The following NEGR1 variants were observed in gnomAD, a reference collection of about 807,000 sequenced individuals.
NEGR1 encodes IgLON family member 4.
In NEGR1, 10 loss-of-function variants were observed where a neutral mutation model predicts 40.9. The ratio of observed to expected loss-of-function variants is 0.24; its 90% CI spans 0.15 to 0.42. The LOEUF (loss-of-function observed/expected upper bound fraction) is 0.42, where lower values mean the gene tolerates loss of function less well. Among genes scored for constraint, NEGR1 ranks in the 10% least tolerant of loss-of-function variants. The probability of loss-of-function intolerance (pLI) is 1.00; values close to 1 mark genes in which losing one functional copy is unlikely to be tolerated. For synonymous variants in NEGR1, 185 were observed against 166.8 expected (o/e 1.11, Z -0.84); for missense variants, 352 against 438.9 (o/e 0.80, Z 1.77).
At chr1:71,942,179 T>C (rs1416660448) in intron 1 of NEGR1, among the ~76,000 whole-genome samples, 4 of 151,074 alleles carry the variant, frequency 2.6e-5, no homozygotes, top group Non-Finnish European at 5.9e-5. Context: ...TTTGGGATAA[T>C]ATGCTTATTT....
At chr1:71,606,679 A>C (rs1025845653) in intron 5 of NEGR1, among the ~76,000 whole-genome samples, 1 of 152,166 alleles carries the variant, frequency 6.6e-6, no homozygotes, top group Non-Finnish European at 1.5e-5. Flanking sequence ...ATTGATGATA[A>C]TAAAATCTTA....
chr1:72,170,022 C>T (rs1234746816), intron 1 of NEGR1, among the ~76,000 whole-genome samples: 1 of 152,064 alleles, frequency 6.6e-6, no homozygotes, highest in Non-Finnish European at 1.5e-5. Flanking sequence ...ACACTCAGTA[C>T]TATATATTAT....
At chr1:72,137,354 A>G (rs1650506121) in intron 1 of NEGR1, among the ~76,000 whole-genome samples, 1 of 152,116 alleles carries the variant, frequency 6.6e-6, no homozygotes, top group Non-Finnish European at 1.5e-5. Flanking sequence ...CCAAATTCCA[A>G]CCAGTGATAG....
chr1:71,900,693 T>G (rs192932913), intron 2 of NEGR1, among the ~76,000 whole-genome samples: 1 of 152,334 alleles, frequency 6.6e-6, no homozygotes, highest in Admixed American at 6.5e-5. Flanking sequence ...ACATAAGATT[T>G]GAACTGTAAC....
intron 2 of NEGR1, among the ~76,000 whole-genome samples, chr1:71,923,716 C>G (rs1174647439): frequency 6.6e-6 from 1 of 152,030 alleles, no homozygotes; most frequent in Non-Finnish European, 1.5e-5. Context: ...TATCCATATT[C>G]CTTGGCTCAG....
intron 1 of NEGR1, among the ~76,000 whole-genome samples, chr1:71,973,240 C>A (rs1381492182): frequency 6.6e-6 from 1 of 150,454 alleles, no homozygotes; most frequent in Non-Finnish European, 1.5e-5. Context: ...GGCGTGAACA[C>A]GGGAGGCAGA....
intron 1 of NEGR1, among the ~76,000 whole-genome samples, chr1:72,185,092 T>A (rs1253363758): frequency 6.6e-6 from 1 of 151,988 alleles, no homozygotes; most frequent in Non-Finnish European, 1.5e-5. Context: ...GCAATTGGCC[T>A]GGCACCTGGA....
chr1:72,188,353 A>G (rs987856102), intron 1 of NEGR1, among the ~76,000 whole-genome samples: 12 of 151,424 alleles, frequency 7.9e-5, no homozygotes, highest in African/African-American at 2.9e-4. Flanking sequence ...ACTTCTTTTC[A>G]ATCTTCGCAT....
chr1:71,440,627 A>G (rs1034652483), intron 6 of NEGR1, among the ~76,000 whole-genome samples: 1 of 152,174 alleles, frequency 6.6e-6, no homozygotes, highest in African/African-American at 2.4e-5. Context: ...ACAGGCATCA[A>G]CAGCATCAAC....
intron 2 of NEGR1, among the ~76,000 whole-genome samples, chr1:71,782,923 C>T (rs920181097): frequency 2.6e-5 from 4 of 151,996 alleles, no homozygotes; most frequent in Non-Finnish European, 5.9e-5. Flanking sequence ...GGACAATAAT[C>T]ATACACATTT....
chr1:72,251,044 C>T (rs1272406136), intron 1 of NEGR1, among the ~76,000 whole-genome samples: 1 of 152,156 alleles, frequency 6.6e-6, no homozygotes, highest in Non-Finnish European at 1.5e-5. Flanking sequence ...CAGTCGAATT[C>T]ACCAGAGGAT....
chr1:72,120,943 G>C (rs1429931266), intron 1 of NEGR1, among the ~76,000 whole-genome samples: 1 of 151,942 alleles, frequency 6.6e-6, no homozygotes, highest in South Asian at 2.1e-4. Flanking sequence ...CAGTAATGAA[G>C]GTGCCAACAC....
At chr1:72,088,806 T>C (rs1648335650) in intron 1 of NEGR1, among the ~76,000 whole-genome samples, 5 of 136,078 alleles carry the variant, frequency 3.7e-5, no homozygotes, top group African/African-American at 8.2e-5. Context: ...CTTTTTTTTT[T>C]TTTTTTTTTT....
intron 1 of NEGR1, among the ~76,000 whole-genome samples, chr1:72,018,490 T>C (rs939140808): frequency 2.6e-5 from 4 of 152,194 alleles, no homozygotes; most frequent in Non-Finnish European, 2.9e-5. Flanking sequence ...ATAAATATTA[T>C]GTACGTTTTA....
intron 1 of NEGR1, among the ~76,000 whole-genome samples, chr1:71,988,166 T>C (rs1646415750): frequency 6.6e-6 from 1 of 152,116 alleles, no homozygotes; most frequent in East Asian, 1.9e-4. Context: ...GTCTTTTTGG[T>C]CACTAAAGTA....
In NEGR1 at chr1:71,861,013, A is replaced by T. The variant is rs542817733; in HGVS notation, c.409+74066T>A. Among the ~76,000 whole-genome samples, 17 of 152,228 alleles carry T rather than the reference A, an allele frequency of 1.1e-4. No individual in the cohort carries two copies. In the South Asian group the frequency reaches 3.5e-3, roughly 32 times the overall value. On this transcript the variant is annotated intron_variant, in intron 2 of 6. Transcript: ENST00000357731. The stretch of plus-strand genomic sequence containing the variant: ...GTTTGCTAACGATTAAAAGCTAAGA[A>T]GTTACTCTCTTTTAACTACTGCTTA...
In NEGR1 at chr1:72,030,436, C is replaced by T. The variant is rs1322938455; in HGVS notation, c.177-95125G>A. 1.1e-4 allele frequency among the ~76,000 whole-genome samples: 17 copies of T among 152,052 alleles called. 1 individual carries two copies. The East Asian group carries it at 2.9e-3, about 26-fold the overall frequency. The stretch of plus-strand genomic sequence containing the variant: ...AAGCTTAAGAAATATTGACAGTAGT[C>T]TATGGGTAGGCATATTTAAAATCAA... On this transcript the variant is annotated intron_variant, in intron 1 of 6. Coordinates refer to ENST00000357731, the MANE Select transcript of NEGR1 (RefSeq NM_173808.3).
chr1:71,688,814 G>A (rs1653153897), intron 4 of NEGR1, among the ~76,000 whole-genome samples: 1 of 152,092 alleles, frequency 6.6e-6, no homozygotes, highest in South Asian at 2.1e-4. Flanking sequence ...AAAATCATTG[G>A]CCTTGCAGCA....
intron 1 of NEGR1, among the ~76,000 whole-genome samples, chr1:72,012,889 G>A (rs78431092): frequency 9.4e-6 from 1 of 106,080 alleles, no homozygotes; most frequent in African/African-American, 3.6e-5. Flanking sequence ...TTTTTTTTTT[G>A]TAGAGCAAGA....
Sources: allele counts gnomAD v4.1 joint callset (sites outside exome capture counted in the v4.1 genomes callset), GRCh38; gene constraint gnomAD v4.1.1; transcripts MANE v1.5; gene names NCBI Gene and HGNC (gene_info 2026-07-23, HGNC 2026-07-21).